The following CLEC16A variants were observed in gnomAD, a reference collection of about 807,000 sequenced individuals.
CLEC16A encodes the protein C-type lectin domain containing 16A.
In CLEC16A, 51 loss-of-function variants were observed where a neutral mutation model predicts 109.5. The observed-to-expected ratio is 0.47, with a 90% CI of 0.37 to 0.59. The LOEUF (loss-of-function observed/expected upper bound fraction) is 0.59. Among genes scored for constraint, CLEC16A ranks in the 20% least tolerant of loss-of-function variants. The probability of loss-of-function intolerance (pLI) is 0.00; values close to 1 mark genes in which losing one functional copy is unlikely to be tolerated. For missense variants in CLEC16A, 1,339 were observed against 1,394.0 expected, an observed-to-expected ratio of 0.96 and a Z score of 0.63; for synonymous variants, 673 against 564.2, an observed-to-expected ratio of 1.19 and a Z score of -2.73.
chr16:10,970,061 G>A (rs77334546), intron 4 of CLEC16A, among the ~76,000 whole-genome samples: 15,291 of 152,154 alleles, frequency 0.1, 749 homozygotes, highest in East Asian at 0.11. Context: ...ACCTAAAAGG[G>A]GTTTGAACAA....
At chr16:11,090,413 C>A (rs1454922812) in intron 19 of CLEC16A, among the ~76,000 whole-genome samples, 1 of 152,072 alleles carries the variant, frequency 6.6e-6, no homozygotes, top group Admixed American at 6.6e-5. Flanking sequence ...GGAAAGGGAC[C>A]ATGGACAACC....
intron 11 of CLEC16A, among the ~76,000 whole-genome samples, chr16:11,004,667 G>A (rs989218543): frequency 1.3e-5 from 2 of 152,006 alleles, no homozygotes; most frequent in South Asian, 2.1e-4. Context: ...GAATGCCTCC[G>A]CCACCACCTT....
chr16:11,034,517 G>C (rs1486615397), intron 13 of CLEC16A, among the ~76,000 whole-genome samples: 2 of 152,130 alleles, frequency 1.3e-5, no homozygotes, highest in East Asian at 1.9e-4. Flanking sequence ...CTGACACTGT[G>C]GGGCCACACC....
At chr16:10,995,245 A>T (rs2044258410) in intron 10 of CLEC16A, among the ~76,000 whole-genome samples, 3 of 152,180 alleles carry the variant, frequency 2.0e-5, no homozygotes, top group Admixed American at 6.5e-5. Flanking sequence ...ATGCCCATTG[A>T]TGGCTGTGGC....
intron 23 of CLEC16A, among the ~76,000 whole-genome samples, chr16:11,177,382 C>T (rs2068792593): frequency 6.6e-6 from 1 of 152,110 alleles, no homozygotes; most frequent in Non-Finnish European, 1.5e-5. Flanking sequence ...GGGCGGATCA[C>T]TTGAGGTCAG....
chr16:11,051,746 A>G, intron 18 of CLEC16A, 105 bp downstream of exon 18: 2 of 1,433,026 alleles, frequency 1.4e-6, no homozygotes, highest in Non-Finnish European at 1.9e-6. Context: ...GCCTGCCCTC[A>G]ACACAGCTTA....
rs1241598373 is a variant in CLEC16A, at chr16:11,174,363, G to C, written c.2807-3972G>C. On this transcript the variant is annotated intron_variant, in intron 23 of 23. Coordinates refer to ENST00000409790, the MANE Select transcript of CLEC16A (RefSeq NM_015226.3). The surrounding 1 kb of genome is among the most constrained non-coding windows in gnomAD (Gnocchi z 4.7). ...AGTCGGCAGGGTCCGCGCTGGCAAG[G>C]TGGGCCAAGCTGGGCCTGAGCACAG... 2.6e-6 allele frequency: 1 copy of C among 391,830 alleles called. No homozygotes were observed. The highest frequency in any genetic ancestry group is 5.3e-6 in the Non-Finnish European group (1 of 188,926). 24.3% of individuals were successfully genotyped at this position (391,830 alleles called of 1,614,324 possible). A position where few individuals can be genotyped will look rare whatever the true frequency, so the allele number is the denominator to read the frequency against.
rs775354401 is a variant in CLEC16A at position 10,962,522 on chromosome 16, G to A, written c.277G>A (p.Val93Met). The A allele has an allele frequency of 2.5e-6, 4 of 1,613,910 alleles. No homozygotes were observed. The highest frequency in any genetic ancestry group is 2.5e-6 in the Non-Finnish European group (3 of 1,179,862). Residue 93 changes from valine (V) to methionine (M), a missense_variant, in exon 3 of 24, where the codon GTG (valine) becomes ATG (methionine). Coordinates refer to ENST00000409790, the MANE Select transcript of CLEC16A (RefSeq NM_015226.3). Reference sequence around the variant, plus strand: ...CTTGCGGCAAAAGTCGGGCCGTTACGTGTGCGTTCAGCTGCTGCAGACCTT... The same window carrying A: ...CTTGCGGCAAAAGTCGGGCCGTTACATGTGCGTTCAGCTGCTGCAGACCTT... ...NILRQKSGRY[V>M]CVQLLQTLNI...
intron 11 of CLEC16A, among the ~76,000 whole-genome samples, chr16:11,008,579 A>G (rs1403071010): frequency 6.6e-6 from 1 of 151,906 alleles, no homozygotes; most frequent in East Asian, 1.9e-4. Context: ...GTTGGACAAC[A>G]AGTGGAAAGA....
chr16:10,983,086 A>G (rs1243900842), intron 10 of CLEC16A, 95 bp downstream of exon 10: 1 of 721,480 alleles, frequency 1.4e-6, no homozygotes, highest in Non-Finnish European at 2.4e-6. Context: ...AACATTCTGA[A>G]TATATAGCAG....
At position 11,165,806 on chromosome 16, in the gene CLEC16A, A is replaced by G. The variant is rs567488303; in HGVS notation, c.2642-582A>G. On this transcript the variant is annotated intron_variant, in intron 22 of 23. Transcript: ENST00000409790. ...CCAGGTCCCGGAGATGCTGAGGGCC[A>G]TTTGAGACCATCATCACTAGCTCTT... Among the ~76,000 whole-genome samples the G allele has an allele frequency of 4.5e-4, 68 of 152,280 alleles. 2 individuals are homozygous for G. In the South Asian group the frequency reaches 0.013, roughly 30 times the overall value.
chr16:11,000,019 G>A (rs2044574521), intron 10 of CLEC16A, among the ~76,000 whole-genome samples: 1 of 152,164 alleles, frequency 6.6e-6, no homozygotes, highest in Non-Finnish European at 1.5e-5. Context: ...TGTATTTTTA[G>A]TAGAAGCGGA....
At chr16:10,974,539 C>A (rs780962803) in intron 7 of CLEC16A, among the ~76,000 whole-genome samples, 10 of 152,156 alleles carry the variant, frequency 6.6e-5, no homozygotes, top group African/African-American at 2.4e-4. Flanking sequence ...CAGTAGCACC[C>A]CTCCCCAGTC....
At chr16:11,149,080 A>G (rs1010210275) in intron 22 of CLEC16A, among the ~76,000 whole-genome samples, 1 of 152,244 alleles carries the variant, frequency 6.6e-6, no homozygotes, top group African/African-American at 2.4e-5. Context: ...AGAAAGAGAG[A>G]TGGTGAATCA....
chr16:11,144,700 A>G (rs931256679), intron 22 of CLEC16A, among the ~76,000 whole-genome samples: 3 of 152,214 alleles, frequency 2.0e-5, no homozygotes, highest in Admixed American at 2.0e-4. Flanking sequence ...TCCAGGCCTA[A>G]CCCAGTTAAG....
At chr16:10,950,822 G>A (rs758246433) in intron 1 of CLEC16A, among the ~76,000 whole-genome samples, 2 of 152,174 alleles carry the variant, frequency 1.3e-5, no homozygotes, top group Non-Finnish European at 2.9e-5. Flanking sequence ...GTGGACATTG[G>A]GGGGTAAATT....
At position 11,060,932 on chromosome 16, in the gene CLEC16A, C is replaced by T. The variant is rs760458797; in HGVS notation, c.2026C>T (p.Leu676=). ...AIRVFFMLRS[L]SLQLRGEPET... The stretch of plus-strand genomic sequence containing the variant: ...CCGGGTGTTCTTCATGCTGCGTTCC[C>T]TGTCACTGCAATTGCGAGGGGAGCC... Residue 676 remains leucine, a synonymous_variant, in exon 19 of 24, where the codon CTG becomes TTG. Coordinates refer to ENST00000409790, the MANE Select transcript of CLEC16A (RefSeq NM_015226.3). 1.9e-6 allele frequency: 3 copies of T among 1,612,672 alleles called. No individual in the cohort carries two copies. Among genetic ancestry groups the T allele is most frequent in the Non-Finnish European group, 2.5e-6 (3 of 1,179,414 alleles).
At chr16:10,968,721 C>T (rs1040841708) in intron 3 of CLEC16A, among the ~76,000 whole-genome samples, 4 of 152,084 alleles carry the variant, frequency 2.6e-5, no homozygotes, top group Non-Finnish European at 5.9e-5. Flanking sequence ...AATCATGTTG[C>T]TATATAAGGA....
rs147274070 is a variant in CLEC16A at position 11,166,924 on chromosome 16, G to A, written c.2806+372G>A. Among the ~76,000 whole-genome samples, 996 of 152,108 alleles carry A rather than the reference G, an allele frequency of 6.5e-3. 10 individuals are homozygous for A. Among genetic ancestry groups the A allele is most frequent in the African/African-American group, 0.023 (942 of 41,398 alleles). ...GTTTGCAGTCTAGGAAAAGAATCGC[G>A]TTCCTGCTGATTTTTTTTTTCCTCT... On this transcript the variant is annotated intron_variant, in intron 23 of 23. Coordinates refer to ENST00000409790, the MANE Select transcript of CLEC16A (RefSeq NM_015226.3).
Sources: gnomAD v4.1 joint callset for allele counts (sites outside exome capture counted in the v4.1 genomes callset) on GRCh38, gnomAD v4.1.1 for gene constraint, Gnocchi (gnomAD v3.1) non-coding constraint, MANE v1.5 for transcripts, NCBI Gene and HGNC (gene_info 2026-07-23, HGNC 2026-07-21) for gene names.